RBFOX3: variants seen among roughly 807,000 people sequenced by gnomAD.
The protein encoded by RBFOX3 is RNA binding fox-1 homolog 3, also known as RNA binding protein fox-1 homolog 3.
Under a neutral mutation model 48.7 loss-of-function variants are expected in RBFOX3, and 17 were observed. That is an observed-to-expected ratio of 0.35 (90% CI 0.24 to 0.52). RBFOX3 has a LOEUF of 0.52. Among genes scored for constraint, RBFOX3 ranks in the 20% least tolerant of loss-of-function variants. RBFOX3 has a pLI of 0.94. For missense variants in RBFOX3, 382 were observed against 497.5 expected, an observed-to-expected ratio of 0.77 and a Z score of 2.21; for synonymous variants, 212 against 209.5, an observed-to-expected ratio of 1.01 and a Z score of -0.10.
At position 79,480,987 on chromosome 17, in the gene RBFOX3, T is replaced by C. The variant is rs1446793689; in HGVS notation, c.-175+1467A>G. On this transcript the variant is annotated intron_variant, in intron 2 of 14. Coordinates refer to ENST00000693108, the MANE Select transcript of RBFOX3 (RefSeq NM_001350451.2). The surrounding 1 kb of genome is among the most constrained non-coding windows in gnomAD (Gnocchi z 4.8). Reference sequence around the variant, plus strand: ...GCTCAAGGTTGTGGAATGAACAATGTAGGGCAGTCTGGATGGATGAGCTAC... The same window carrying C: ...GCTCAAGGTTGTGGAATGAACAATGCAGGGCAGTCTGGATGGATGAGCTAC... Among the ~76,000 whole-genome samples the C allele has an allele frequency of 6.6e-6, 1 of 152,076 alleles. No individual in the cohort carries two copies. Among genetic ancestry groups the C allele is most frequent in the Non-Finnish European group, 1.5e-5 (1 of 68,014 alleles).
chr17:79,094,316 C>A, intron 14 of RBFOX3, 135 bp downstream of exon 14: 1 of 588,370 alleles, frequency 1.7e-6, no homozygotes, highest in Non-Finnish European at 2.8e-6. Flanking sequence ...TAACTCACAT[C>A]CAGGCCGTGG....
chr17:79,629,500 CA>C, the RBFOX3 span, among the ~76,000 whole-genome samples: 1,171 of 152,318 alleles, frequency 7.7e-3, 16 homozygotes, highest in African/African-American at 0.027. Context: ...CCCAGTGCTT[CA>C]GGGGGTGCGG....
At chr17:79,498,331 C>T (rs534649180) in intron 1 of RBFOX3, among the ~76,000 whole-genome samples, 19 of 152,248 alleles carry the variant, frequency 1.2e-4, no homozygotes, top group African/African-American at 4.3e-4. Flanking sequence ...GGGGGAAGAC[C>T]TCCCAAAACC....
intron 1 of RBFOX3, among the ~76,000 whole-genome samples, chr17:79,522,032 C>T (rs1464341340): frequency 1.3e-5 from 2 of 152,128 alleles, no homozygotes; most frequent in African/African-American, 2.4e-5. Context: ...CTTCACCCGA[C>T]GGAATCTTGG....
upstream of RBFOX3, among the ~76,000 whole-genome samples, chr17:79,614,085 G>T (rs1216698199): frequency 6.6e-6 from 1 of 152,244 alleles, no homozygotes; most frequent in African/African-American, 2.4e-5. Flanking sequence ...AGAAGTGGCG[G>T]CCCGCCCTCA....
At chr17:79,312,781 C>A (rs2077031405) in intron 2 of RBFOX3, among the ~76,000 whole-genome samples, 1 of 152,170 alleles carries the variant, frequency 6.6e-6, no homozygotes, top group Non-Finnish European at 1.5e-5. Flanking sequence ...CTGCTGCCCG[C>A]AGGTCTTCCT....
At chr17:79,416,444 T>C (rs1598599979) in intron 2 of RBFOX3, among the ~76,000 whole-genome samples, 1 of 152,314 alleles carries the variant, frequency 6.6e-6, no homozygotes, top group East Asian at 1.9e-4. Flanking sequence ...CAGTCCCCAT[T>C]CTCACTGTCA....
intron 4 of RBFOX3, among the ~76,000 whole-genome samples, chr17:79,173,877 G>C (rs781215919): frequency 1.4e-5 from 2 of 143,544 alleles, no homozygotes; most frequent in Non-Finnish European, 3.1e-5. Flanking sequence ...GCTGAGTACA[G>C]AGCTTTGCAC....
chr17:79,413,579 C>T (rs1407933982), intron 2 of RBFOX3, among the ~76,000 whole-genome samples: 1 of 152,262 alleles, frequency 6.6e-6, no homozygotes, highest in Middle Eastern at 3.2e-3. Flanking sequence ...AGGTTTCCAC[C>T]TGGAGCGTGG....
chr17:79,499,931 C>A (rs2149715854), intron 1 of RBFOX3, among the ~76,000 whole-genome samples: 1 of 152,258 alleles, frequency 6.6e-6, no homozygotes, highest in South Asian at 2.1e-4. Context: ...GTTTTTCCTG[C>A]AAAAGAGGTG....
intron 4 of RBFOX3, among the ~76,000 whole-genome samples, chr17:79,156,374 C>T (rs901019892): frequency 6.6e-6 from 1 of 152,116 alleles, no homozygotes; most frequent in African/African-American, 2.4e-5. Flanking sequence ...AGGAAGAGCC[C>T]CTGGTTGGGA....
chr17:79,435,127 G>A lies in RBFOX3; in HGVS notation c.-175+47327C>T, dbSNP rs561022277. 5.9e-5 allele frequency among the ~76,000 whole-genome samples: 9 copies of A among 152,222 alleles called. No homozygotes were observed. In the South Asian group the frequency reaches 6.2e-4, roughly 11 times the overall value. ...CCCAATATCTGGCTCTGCTGGGTGC[G>A]TCCTGGTGCCAGCGTGTCTGCCCCC... On this transcript the variant is annotated intron_variant, in intron 2 of 14. Coordinates refer to ENST00000693108, the MANE Select transcript of RBFOX3 (RefSeq NM_001350451.2).
chr17:79,598,455 A>T (rs2093626165), intron 1 of RBFOX3: 1 of 152,178 alleles, frequency 6.6e-6, no homozygotes, highest in Non-Finnish European at 1.5e-5. Context: ...ACTTAGAATG[A>T]TGTATTCTCT....
rs2055499112 is a variant in RBFOX3 at position 79,195,961 on chromosome 17, A to G, written c.-34+39805T>C. Among the ~76,000 whole-genome samples, 1 of 152,210 alleles carries G rather than the reference A, an allele frequency of 6.6e-6. No individual in the cohort carries two copies. Among genetic ancestry groups the G allele is most frequent in the Non-Finnish European group, 1.5e-5 (1 of 68,048 alleles). ...GGGCATGGCGATAATTATCATCATC[A>G]GAACACCCTGGACAAATTGGATCTC... On this transcript the variant is annotated intron_variant, in intron 4 of 14. Coordinates refer to ENST00000693108, the MANE Select transcript of RBFOX3 (RefSeq NM_001350451.2). The surrounding 1 kb of genome is among the most constrained non-coding windows in gnomAD (Gnocchi z 5.3).
chr17:79,507,534 C>G (rs1324820948), intron 1 of RBFOX3, among the ~76,000 whole-genome samples: 1 of 152,086 alleles, frequency 6.6e-6, no homozygotes, highest in Non-Finnish European at 1.5e-5. Flanking sequence ...GGTGGGCAGT[C>G]CTACTCCCCT....
chr17:79,142,934 G>T (rs8081394), intron 4 of RBFOX3, among the ~76,000 whole-genome samples: 75,273 of 151,584 alleles, frequency 0.5, 19,760 homozygotes, highest in Non-Finnish European at 0.59. Flanking sequence ...ACGTGGCCCT[G>T]CCTGGCATCC....
At chr17:79,278,561 C>T (rs1335478192) in intron 3 of RBFOX3, among the ~76,000 whole-genome samples, 2 of 152,224 alleles carry the variant, frequency 1.3e-5, no homozygotes, top group Admixed American at 1.3e-4. Flanking sequence ...GACCCCCCAC[C>T]CTGCCTGTGT....
chr17:79,144,405 C>G (rs951932213), intron 4 of RBFOX3, among the ~76,000 whole-genome samples: 2 of 152,216 alleles, frequency 1.3e-5, no homozygotes, highest in Admixed American at 6.5e-5. Context: ...TGACCCCCAG[C>G]TTCCCAAGGT....
chr17:79,546,250 TCCCACC>T (rs1555791842), intron 1 of RBFOX3, among the ~76,000 whole-genome samples: 2 of 152,040 alleles, frequency 1.3e-5, no homozygotes, highest in Non-Finnish European at 2.9e-5. Flanking sequence ...CAGGACGCTC[TCCCACC>T]AACACAGAGG....
Sources: gnomAD v4.1 joint callset for allele counts (sites outside exome capture counted in the v4.1 genomes callset) on GRCh38, gnomAD v4.1.1 for gene constraint, Gnocchi (gnomAD v3.1) non-coding constraint, MANE v1.5 for transcripts, NCBI Gene and HGNC (gene_info 2026-07-23, HGNC 2026-07-21) for gene names.